UBE2K: variants seen among roughly 807,000 people sequenced by gnomAD.
UBE2K encodes ubiquitin-conjugating enzyme E2 K.
A neutral mutation model predicts 30.0 loss-of-function variants in UBE2K; 6 were observed. The observed-to-expected ratio is 0.20, with a 90% CI of 0.11 to 0.39. The LOEUF (loss-of-function observed/expected upper bound fraction) is 0.39, where lower values mean the gene tolerates loss of function less well. Ranked by LOEUF, UBE2K falls within the 10% of genes least tolerant of loss-of-function variation. The probability of loss-of-function intolerance (pLI) is 1.00; values close to 1 mark genes in which losing one functional copy is unlikely to be tolerated. For synonymous variants in UBE2K, 86 were observed against 83.7 expected (o/e 1.03, Z -0.15); for missense variants, 61 against 241.6 (o/e 0.25, Z 4.96).
chr4:39,713,438 G>A (rs904717571), intron 1 of UBE2K, among the ~76,000 whole-genome samples: 6 of 151,956 alleles, frequency 3.9e-5, no homozygotes, highest in South Asian at 2.1e-4. Flanking sequence ...GATTACAAGC[G>A]TGAGCCACTG....
chr4:39,754,302 T>C (rs1721417420), intron 3 of UBE2K, among the ~76,000 whole-genome samples: 1 of 152,174 alleles, frequency 6.6e-6, no homozygotes, highest in East Asian at 1.9e-4. Context: ...CTGAAAAGAA[T>C]CAAGCATAGC....
At chr4:39,777,544 T>C in intron 5 of UBE2K, 138 bp from the exon 6 acceptor site, 1 of 775,744 alleles carries the variant, frequency 1.3e-6, no homozygotes, top group Non-Finnish European at 1.9e-6. Flanking sequence ...ACATAGGTTG[T>C]CTATAATGCA....
At chr4:39,752,893 G>T (rs1032962754) in intron 3 of UBE2K, among the ~76,000 whole-genome samples, 1 of 151,886 alleles carries the variant, frequency 6.6e-6, no homozygotes, top group Admixed American at 6.6e-5. Context: ...GCCCACTCAT[G>T]CCTGTAATCC....
intron 1 of UBE2K, among the ~76,000 whole-genome samples, chr4:39,707,124 G>C (rs1455007879): frequency 2.0e-5 from 3 of 151,908 alleles, no homozygotes; most frequent in Non-Finnish European, 2.9e-5. Flanking sequence ...TGACCAGGCT[G>C]GTCTCACACT....
At chr4:39,770,089 T>TGAG in intron 4 of UBE2K, 1 of 1,555,696 alleles carries the variant, frequency 6.4e-7, no homozygotes, top group Non-Finnish European at 8.7e-7. Context: ...GGCTAGCGGA[T>TGAG]GAGGACATTA....
At chr4:39,711,698 A>G (rs1426553822) in intron 1 of UBE2K, among the ~76,000 whole-genome samples, 2 of 151,832 alleles carry the variant, frequency 1.3e-5, no homozygotes, top group Admixed American at 6.6e-5. Flanking sequence ...CTGACTGGAC[A>G]TTGCTTCACT....
At chr4:39,698,820 T>C (rs561439173) in intron 1 of UBE2K, among the ~76,000 whole-genome samples, 1 of 152,156 alleles carries the variant, frequency 6.6e-6, no homozygotes, top group Non-Finnish European at 1.5e-5. Context: ...GCCCACACTT[T>C]TGAGGGTATT....
At chr4:39,714,550 A>ATATATATATATATATATATTTT in intron 1 of UBE2K, 3 of 17,852 alleles carry the variant, frequency 1.7e-4, no homozygotes, top group Non-Finnish European at 2.6e-4. Flanking sequence ...ATATATATAT[A>ATATATATATATATATATATTTT]TTTTTTTTTT....
chr4:39,745,891 G>T, intron 3 of UBE2K, 81 bp downstream of exon 3: 1 of 1,061,848 alleles, frequency 9.4e-7, no homozygotes, highest in Non-Finnish European at 1.3e-6. Context: ...ATATTTTAGG[G>T]CTTATTAAAG....
At chr4:39,702,216 C>T (rs865808870) in intron 1 of UBE2K, among the ~76,000 whole-genome samples, 2 of 61,356 alleles carry the variant, frequency 3.3e-5, no homozygotes, top group South Asian at 5.8e-4. Context: ...ATTTTCTTTT[C>T]TTTTCTTTTC....
At chr4:39,718,196 C>T (rs1478770358) in intron 1 of UBE2K, among the ~76,000 whole-genome samples, 3 of 152,206 alleles carry the variant, frequency 2.0e-5, no homozygotes, top group East Asian at 1.9e-4. Flanking sequence ...TTGATTGGTC[C>T]GTTTTGACAG....
intron 4 of UBE2K, among the ~76,000 whole-genome samples, chr4:39,757,000 G>GTT (rs35733561): frequency 0.067 from 6,347 of 94,346 alleles, 406 homozygotes; most frequent in Non-Finnish European, 0.1. Context: ...TTTTTTGGGT[G>GTT]TTTTTTTTTT....
chr4:39,750,401 T>C (rs1578475313), intron 3 of UBE2K, among the ~76,000 whole-genome samples: 1 of 152,194 alleles, frequency 6.6e-6, no homozygotes. Context: ...AATTTAAGAA[T>C]AGTTTCCTTC....
At position 39,764,509 on chromosome 4, in the gene UBE2K, G is replaced by T. The variant is rs191344492; in HGVS notation, c.299+8770G>T. 4.7e-5 allele frequency among the ~76,000 whole-genome samples: 7 copies of T among 149,654 alleles called. 1 individual carries two copies. Among genetic ancestry groups the T allele is most frequent in the Admixed American group, 3.3e-4 (5 of 14,990 alleles). The stretch of plus-strand genomic sequence containing the variant: ...GCCTAGGCTGGAGTGCAGTGACAAC[G>T]ATCACAGCTCACTGCAGCCTTGACC... On this transcript the variant is annotated intron_variant, in intron 4 of 6. Coordinates refer to ENST00000261427, the MANE Select transcript of UBE2K (RefSeq NM_005339.5).
intron 3 of UBE2K, among the ~76,000 whole-genome samples, chr4:39,748,759 T>C (rs538979966): frequency 6.6e-6 from 1 of 152,282 alleles, no homozygotes; most frequent in African/African-American, 2.4e-5. Flanking sequence ...CAATTAGTCA[T>C]AGTTGCAGTT....
At chr4:39,774,707 C>T in intron 4 of UBE2K, 127 bp from the exon 5 acceptor site, 1 of 434,672 alleles carries the variant, frequency 2.3e-6, no homozygotes, top group Non-Finnish European at 4.0e-6. Flanking sequence ...TATGACTTAA[C>T]TATATAATTA....
intron 1 of UBE2K, among the ~76,000 whole-genome samples, chr4:39,720,934 A>G (rs1248939178): frequency 6.6e-6 from 1 of 152,012 alleles, no homozygotes; most frequent in African/African-American, 2.4e-5. Context: ...ATTTGTAGAG[A>G]CTGAGTTTTG....
intron 1 of UBE2K, among the ~76,000 whole-genome samples, chr4:39,702,237 T>C (rs199763535): frequency 0.085 from 419 of 4,916 alleles, 4 homozygotes; most frequent in South Asian, 0.25. Context: ...TTTTCTTTTT[T>C]TTTTTTTTTT....
intron 3 of UBE2K, among the ~76,000 whole-genome samples, chr4:39,755,286 A>G (rs1409801304): frequency 6.6e-6 from 1 of 152,208 alleles, no homozygotes; most frequent in East Asian, 1.9e-4. Flanking sequence ...CCTGCCTCAC[A>G]TGAAGAAAAG....
Sources: gnomAD v4.1 joint callset for allele counts (sites outside exome capture counted in the v4.1 genomes callset) on GRCh38, gnomAD v4.1.1 for gene constraint, MANE v1.5 for transcripts, NCBI Gene and HGNC (gene_info 2026-07-23, HGNC 2026-07-21) for gene names.